Variants in TTC6 observed in about 807,000 individuals in gnomAD.
TTC6 encodes tetratricopeptide repeat protein 6.
In TTC6, 172 loss-of-function variants were observed where a neutral mutation model predicts 210.4. The observed-to-expected ratio is 0.82, with a 90% CI of 0.72 to 0.93. The LOEUF (loss-of-function observed/expected upper bound fraction) is 0.93. TTC6 is among the 40% of genes least tolerant of loss of function. The pLI is 0.00. For missense variants in TTC6, 2,414 were observed against 2,318.1 expected (o/e 1.04, Z -0.85); for synonymous variants, 804 against 819.6 (o/e 0.98, Z 0.32).
At chr14:37,607,598 A>G (rs533676383) in intron 2 of TTC6, among the ~76,000 whole-genome samples, 1 of 152,206 alleles carries the variant, frequency 6.6e-6, no homozygotes, top group East Asian at 1.9e-4. Flanking sequence ...CTGGGTTAAA[A>G]TACATGCAAG....
intron 1 of TTC6, among the ~76,000 whole-genome samples, chr14:37,677,787 A>G (rs1230212063): frequency 6.6e-6 from 1 of 151,706 alleles, no homozygotes; most frequent in African/African-American, 2.4e-5. Context: ...GTTAACTGAC[A>G]TTTTCTTCTG....
At chr14:37,796,153 C>G (rs2096092212) in intron 18 of TTC6, 141 bp from the exon 21 acceptor site, 2 of 389,150 alleles carry the variant, frequency 5.1e-6, no homozygotes, top group East Asian at 9.2e-5. Context: ...TATAAAATGT[C>G]TATAATTTTC....
intron 2 of TTC6, among the ~76,000 whole-genome samples, chr14:37,680,671 A>G (rs1024863674): frequency 2.6e-5 from 4 of 152,144 alleles, no homozygotes; most frequent in Non-Finnish European, 1.5e-5. Context: ...GGTGACAGAA[A>G]TTTGTTTTGG....
chr14:37,782,821 A>G (rs2096058481), intron 14 of TTC6, among the ~76,000 whole-genome samples: 1 of 152,156 alleles, frequency 6.6e-6, no homozygotes, highest in African/African-American at 2.4e-5. Flanking sequence ...TAATTTATTT[A>G]GCGTTTTTAG....
chr14:37,607,910 A>G (rs2095628029), intron 2 of TTC6, among the ~76,000 whole-genome samples: 1 of 152,228 alleles, frequency 6.6e-6, no homozygotes, highest in Admixed American at 6.5e-5. Context: ...AGAAATCTAT[A>G]AGTAATCCTG....
At chr14:37,700,967 G>C (rs545364866) in intron 4 of TTC6, among the ~76,000 whole-genome samples, 11 of 152,164 alleles carry the variant, frequency 7.2e-5, no homozygotes, top group Admixed American at 1.3e-4. Flanking sequence ...TAGCAAAGGA[G>C]TAATACATGA....
chr14:37,729,470 G>A (rs1035535614), intron 7 of TTC6, among the ~76,000 whole-genome samples: 16 of 152,198 alleles, frequency 1.1e-4, no homozygotes, highest in Non-Finnish European at 1.5e-4. Context: ...CCAAGGCCAT[G>A]CTTCCTTGGG....
chr14:37,749,758 A>G (rs2095946356), exon 12 of TTC6: 1 of 1,461,128 alleles, frequency 6.8e-7, no homozygotes, highest in Non-Finnish European at 9.0e-7. Context: ...ATTGGCATCG[A>G]CATTTAATTT....
intron 1 of TTC6, among the ~76,000 whole-genome samples, chr14:37,604,550 T>A (rs1026399366): frequency 3.3e-5 from 5 of 152,154 alleles, no homozygotes; most frequent in Admixed American, 1.3e-4. Context: ...CTGAATTTAC[T>A]AGCTGAACTT....
At chr14:37,779,313 G>A (rs1037106055) in intron 14 of TTC6, among the ~76,000 whole-genome samples, 2 of 152,134 alleles carry the variant, frequency 1.3e-5, no homozygotes, top group African/African-American at 2.4e-5. Context: ...TCTGATGTCC[G>A]TGTCCCTCAG....
At chr14:37,816,297 G>GA (rs1221095699) in intron 25 of TTC6, among the ~76,000 whole-genome samples, 7 of 152,190 alleles carry the variant, frequency 4.6e-5, no homozygotes, top group Admixed American at 3.3e-4. Flanking sequence ...AATAACAGCA[G>GA]AAAATTTATC....
chr14:37,714,915 C>T (rs551863051), intron 6 of TTC6, 119 bp downstream of exon 8: 56 of 906,568 alleles, frequency 6.2e-5, no homozygotes, highest in African/African-American at 2.0e-4. Context: ...TGGTAGCTCA[C>T]GCCTGTAATC....
At chr14:37,766,599 C>T (rs900298569) in intron 14 of TTC6, among the ~76,000 whole-genome samples, 3 of 151,940 alleles carry the variant, frequency 2.0e-5, no homozygotes, top group Non-Finnish European at 2.9e-5. Context: ...GTTTTCTTTA[C>T]TCAATCTGTC....
rs564010837 is a variant in TTC6 at position 37,841,333 on chromosome 14, T to C, written c.5299-112T>C. 3.5e-5 allele frequency: 31 copies of C among 885,948 alleles called. No homozygotes were observed. In the South Asian group the frequency reaches 4.1e-4, roughly 12 times the overall value. 54.9% of individuals were successfully genotyped at this position (885,948 alleles called of 1,614,324 possible). On this transcript the variant is annotated intron_variant, in intron 29 of 30. Coordinates refer to ENST00000553443, the Ensembl canonical transcript of TTC6. ...CTGTACCTGGGATGAAATGCTTCTG[T>C]TGACCTCTTGGTATGCCACTGGCCT...
chr14:37,697,329 A>G (rs2095816816), intron 4 of TTC6, among the ~76,000 whole-genome samples: 1 of 152,134 alleles, frequency 6.6e-6, no homozygotes, highest in South Asian at 2.1e-4. Context: ...GTTTCTCGTT[A>G]CACAGGAATA....
At chr14:37,780,090 T>C (rs1186100068) in intron 14 of TTC6, among the ~76,000 whole-genome samples, 1 of 152,190 alleles carries the variant, frequency 6.6e-6, no homozygotes, top group African/African-American at 2.4e-5. Context: ...CTACACAGAA[T>C]ATTACAAAAG....
At position 37,806,529 on chromosome 14, in the gene TTC6, T is replaced by G; in HGVS notation, c.4314+19T>G. 6.7e-7 allele frequency: 1 copy of G among 1,503,066 alleles called. No homozygotes were observed. Among genetic ancestry groups the G allele is most frequent in the Non-Finnish European group, 8.9e-7 (1 of 1,127,010 alleles). The allele number at this position is 1,503,066 out of a possible 1,614,324, so 93.1% of individuals were successfully genotyped here. Reference sequence around the variant, plus strand: ...TTACCAGGTATTTAAACAGATGTTTTTAGTGAGTTGGAAAGTGTTAAGTTT... The same window carrying G: ...TTACCAGGTATTTAAACAGATGTTTGTAGTGAGTTGGAAAGTGTTAAGTTT... On this transcript the variant is annotated intron_variant, in intron 22 of 30. Coordinates refer to ENST00000553443, the Ensembl canonical transcript of TTC6.
chr14:37,630,447 CTT>C (rs2095667414), intron 1 of TTC6, among the ~76,000 whole-genome samples: 1 of 151,974 alleles, frequency 6.6e-6, no homozygotes, highest in African/African-American at 2.4e-5. Context: ...TTGAGAGACT[CTT>C]TGTTATTATT....
intron 10 of TTC6, among the ~76,000 whole-genome samples, chr14:37,745,142 C>G (rs948190722): frequency 1.3e-5 from 2 of 151,998 alleles, no homozygotes; most frequent in Admixed American, 6.6e-5. Flanking sequence ...TTCTCCTAAA[C>G]TAGGGAAATG....
Sources: gnomAD v4.1 joint callset for allele counts (sites outside exome capture counted in the v4.1 genomes callset) on GRCh38, gnomAD v4.1.1 for gene constraint, MANE v1.5 for transcripts, NCBI Gene and HGNC (gene_info 2026-07-23, HGNC 2026-07-21) for gene names.